AFP: variants seen among roughly 807,000 people sequenced by gnomAD.
The protein encoded by AFP is alpha fetoprotein.
AFP carries 64 observed loss-of-function variants against 78.9 expected under a neutral mutation model. That is an observed-to-expected ratio of 0.81 (90% confidence interval 0.66 to 1.00). AFP has a LOEUF of 1.00. AFP is among the 50% of genes least tolerant of loss of function. The pLI, the probability that AFP is intolerant of heterozygous loss-of-function variation, is 0.00. For synonymous variants in AFP, 254 were observed against 243.8 expected (o/e 1.04, Z -0.39); for missense variants, 689 against 703.8 (o/e 0.98, Z 0.24).
chr4:73,447,336 C>T (rs72647033), intron 7 of AFP, 126 bp from the exon 8 acceptor site: 64,824 of 611,444 alleles, frequency 0.11, 4,705 homozygotes, highest in Middle Eastern at 0.13. Flanking sequence ...CTTTCCTGGC[C>T]TTTTTTCCTT....
intron 13 of AFP, 90 bp downstream of exon 13, chr4:73,453,987 T>A: frequency 1.4e-6 from 2 of 1,476,638 alleles, no homozygotes; most frequent in Non-Finnish European, 1.9e-6. Flanking sequence ...TTTATAACTT[T>A]AAAATATTTT....
At chr4:73,449,607 T>C in intron 9 of AFP, 140 bp downstream of exon 9, 2 of 1,032,586 alleles carry the variant, frequency 1.9e-6, no homozygotes, top group East Asian at 2.5e-5. Context: ...TAAGCTGTTA[T>C]TAACTAGCAG....
Position 73,449,351 on chromosome 4 carries a change from T to G in AFP, c.1075T>G (p.Ser359Ala). 2 of 1,613,200 alleles carry G rather than the reference T, an allele frequency of 1.2e-6. No homozygotes were observed. Among genetic ancestry groups the G allele is most frequent in the Non-Finnish European group, 1.7e-6 (2 of 1,179,440 alleles). The change falls in exon 9 of 15, where the codon TCA (serine) becomes GCA (alanine). Residue 359 changes from serine to alanine, a missense_variant. Physicochemically the swap from Ser to Ala is moderately conservative, Grantham distance 99 (BLOSUM62 1). Coordinates refer to ENST00000395792, the MANE Select transcript of AFP (RefSeq NM_001134.3). ...ATATTTCAGTTTTGTTCATGAATAT[T>G]CAAGAAGACATCCTCAGCTTGCTGT... ...IFLASFVHEY[S>A]RRHPQLAVSV...
chr4:73,455,084 T>A (rs952118580), intron 13 of AFP, 152 bp from the exon 14 acceptor site: 9 of 646,934 alleles, frequency 1.4e-5, no homozygotes, highest in Admixed American at 1.0e-4. Flanking sequence ...GCTTTTACTA[T>A]CCCAGGTTGT....
chr4:73,452,678 C>A (rs1168883685), intron 12 of AFP, 54 bp downstream of exon 12: 3 of 1,393,098 alleles, frequency 2.2e-6, no homozygotes, highest in Admixed American at 3.5e-5. Context: ...CAAAGAGTAA[C>A]TGAGACTTCT....
intron 14 of AFP, 154 bp downstream of exon 14, chr4:73,455,444 G>A (rs888523632): frequency 2.9e-5 from 20 of 687,870 alleles, no homozygotes; most frequent in South Asian, 2.0e-4. Flanking sequence ...ACAAAATTAC[G>A]CACACAATGT....
chr4:73,447,961 T>C (rs1045599478), intron 8 of AFP, among the ~76,000 whole-genome samples: 2 of 152,142 alleles, frequency 1.3e-5, no homozygotes, highest in Admixed American at 1.3e-4. Context: ...AGAAGCATTG[T>C]CATCCTGTAA....
chr4:73,443,117 T>C (rs1719718234), intron 5 of AFP, among the ~76,000 whole-genome samples: 1 of 152,198 alleles, frequency 6.6e-6, no homozygotes, highest in South Asian at 2.1e-4. Flanking sequence ...TATGTTTTTG[T>C]TTCAAGGTAC....
At chr4:73,438,423 G>A (rs1577951161) in intron 3 of AFP, 117 bp downstream of exon 3, 1 of 1,190,824 alleles carries the variant, frequency 8.4e-7, no homozygotes, top group East Asian at 2.6e-5. Context: ...GCTATTGTAT[G>A]AAAGAGGGAT....
At chr4:73,448,342 G>A (rs940277508) in intron 8 of AFP, among the ~76,000 whole-genome samples, 8 of 152,048 alleles carry the variant, frequency 5.3e-5, no homozygotes, top group Admixed American at 4.6e-4. Flanking sequence ...GACACTATTA[G>A]AGGAGGGATT....
chr4:73,443,897 A>G (rs1368189886), intron 6 of AFP, among the ~76,000 whole-genome samples: 10 of 152,142 alleles, frequency 6.6e-5, no homozygotes, highest in Admixed American at 6.5e-4. Flanking sequence ...TGCTTCCCAT[A>G]AAAATATTCC....
intron 14 of AFP, 158 bp from the exon 15 acceptor site, chr4:73,455,473 A>G: frequency 1.6e-6 from 1 of 644,984 alleles, no homozygotes; most frequent in Non-Finnish European, 2.7e-6. Flanking sequence ...TGGCTCAACT[A>G]TGCAAAATCC....
At chr4:73,437,854 T>G (rs1050855233) in intron 2 of AFP, among the ~76,000 whole-genome samples, 103 of 151,894 alleles carry the variant, frequency 6.8e-4, no homozygotes, top group Non-Finnish European at 6.8e-4. Context: ...AAAGTAACCA[T>G]AAAGAATATA....
chr4:73,449,200 C>T (rs557363224), intron 8 of AFP, 135 bp from the exon 9 acceptor site: 2 of 798,876 alleles, frequency 2.5e-6, no homozygotes, highest in Non-Finnish European at 3.9e-6. Context: ...TAATTCAAAT[C>T]ATATTTGATT....
Position 73,452,523 on chromosome 4 carries a change from G to A in AFP, c.1551G>A (p.Val517=). The A allele has an allele frequency of 7.4e-6, 12 of 1,614,008 alleles. No individual in the cohort carries two copies. Among genetic ancestry groups the A allele is most frequent in the Non-Finnish European group, 1.0e-5 (12 of 1,179,944 alleles). The change falls in exon 12 of 15, where the codon GTG becomes GTA. Residue 517 remains valine (V), a synonymous_variant. Transcript: ENST00000395792. ...GGCCATGCTTCAGCAGCTTGGTGGT[G>A]GATGAAACATATGTCCCTCCTGCAT... ...NRRPCFSSLV[V]DETYVPPAFS... is the part of the protein sequence containing the mutation.
chr4:73,443,914 G>A (rs1429024356), intron 6 of AFP, among the ~76,000 whole-genome samples: 2 of 151,738 alleles, frequency 1.3e-5, no homozygotes, highest in African/African-American at 4.8e-5. Context: ...TTCCTTTGAG[G>A]CAATAATATT....
intron 14 of AFP, 166 bp from the exon 15 acceptor site, chr4:73,455,465 G>A (rs1720131033): frequency 1.5e-6 from 1 of 647,392 alleles, no homozygotes; most frequent in Admixed American, 2.8e-5. Context: ...TAAATTAGTG[G>A]CTCAACTATG....
At chr4:73,442,749 G>A (rs1193752749) in intron 5 of AFP, among the ~76,000 whole-genome samples, 2 of 138,590 alleles carry the variant, frequency 1.4e-5, no homozygotes, top group East Asian at 4.2e-4. Context: ...AGAAAAGGAG[G>A]AGCAGAGGAG....
chr4:73,448,141 A>T (rs1334865261), intron 8 of AFP, among the ~76,000 whole-genome samples: 1 of 152,162 alleles, frequency 6.6e-6, no homozygotes, highest in Non-Finnish European at 1.5e-5. Context: ...TTTTATAGGA[A>T]CAGCTTATTG....
Sources: allele counts gnomAD v4.1 joint callset (sites outside exome capture counted in the v4.1 genomes callset), GRCh38; gene constraint gnomAD v4.1.1; transcripts MANE v1.5; gene names NCBI Gene and HGNC (gene_info 2026-07-23, HGNC 2026-07-21).